MARCHF11: variants seen among roughly 807,000 people sequenced by gnomAD.
The protein encoded by MARCHF11 is membrane associated ring-CH-type finger 11, also known as E3 ubiquitin-protein ligase MARCHF11.
MARCHF11 carries 29 observed loss-of-function variants against 37.3 expected under a neutral mutation model. That is an observed-to-expected ratio of 0.78 (90% CI 0.58 to 1.06). The LOEUF is 1.06. Among genes scored for constraint, MARCHF11 ranks in the 50% least tolerant of loss-of-function variants. The pLI is 0.00. For missense variants in MARCHF11, 482 were observed against 533.4 expected, an observed-to-expected ratio of 0.90 and a Z score of 0.95; for synonymous variants, 233 against 228.0, an observed-to-expected ratio of 1.02 and a Z score of -0.20.
chr5:16,111,235 T>C (rs1020899380), intron 2 of MARCHF11, among the ~76,000 whole-genome samples: 3 of 151,860 alleles, frequency 2.0e-5, no homozygotes, highest in Non-Finnish European at 4.4e-5. Context: ...CAGGCAGAGG[T>C]TGGAACAGTT....
At chr5:16,097,089 G>A (rs1363266186) in intron 2 of MARCHF11, among the ~76,000 whole-genome samples, 1 of 152,138 alleles carries the variant, frequency 6.6e-6, no homozygotes, top group Admixed American at 6.5e-5. Flanking sequence ...AGTGTCACAG[G>A]AGAGAACACC....
At chr5:16,104,867 T>C (rs556181649) in intron 2 of MARCHF11, among the ~76,000 whole-genome samples, 5 of 152,206 alleles carry the variant, frequency 3.3e-5, no homozygotes, top group African/African-American at 9.6e-5. Context: ...ACCTTTAAAA[T>C]TGTATAATAG....
chr5:16,094,508 T>C (rs1265169708), intron 2 of MARCHF11, among the ~76,000 whole-genome samples: 2 of 152,262 alleles, frequency 1.3e-5, no homozygotes, highest in East Asian at 1.9e-4. Context: ...AGTGTGTGTG[T>C]CTGTGTGTAC....
chr5:16,074,096 G>A lies in MARCHF11; in HGVS notation c.887-6303C>T, dbSNP rs1231213915. 2.6e-5 allele frequency among the ~76,000 whole-genome samples: 4 copies of A among 152,134 alleles called. No homozygotes were observed. The East Asian group carries it at 7.7e-4, about 29-fold the overall frequency. The stretch of plus-strand genomic sequence containing the variant: ...ATAAAATTGGAAGTCAACTCCAAAA[G>A]GAATACTCAAAACCATGCAAATACA... On this transcript the variant is annotated intron_variant, in intron 3 of 3. Coordinates refer to ENST00000332432, the MANE Select transcript of MARCHF11 (RefSeq NM_001102562.3).
chr5:16,114,136 G>A (rs1370889779), intron 2 of MARCHF11, among the ~76,000 whole-genome samples: 4 of 152,048 alleles, frequency 2.6e-5, no homozygotes, highest in South Asian at 2.1e-4. Context: ...ATTTTTTTAT[G>A]GCTGAATAAT....
At chr5:16,134,043 T>C (rs529324916) in intron 2 of MARCHF11, among the ~76,000 whole-genome samples, 10 of 152,308 alleles carry the variant, frequency 6.6e-5, no homozygotes, top group African/African-American at 1.9e-4. Flanking sequence ...TAGTCAACTC[T>C]ATTGATAAAA....
intron 1 of MARCHF11, among the ~76,000 whole-genome samples, chr5:16,178,309 G>C (rs952219019): frequency 3.3e-5 from 5 of 152,044 alleles, no homozygotes; most frequent in African/African-American, 1.2e-4. Context: ...TTGTCTTAGG[G>C]CACTATATTC....
intron 2 of MARCHF11, among the ~76,000 whole-genome samples, chr5:16,092,088 G>A (rs1410629176): frequency 2.0e-5 from 3 of 152,070 alleles, no homozygotes; most frequent in African/African-American, 7.2e-5. Context: ...AGTGTCCATC[G>A]GATCAGTCTG....
intron 2 of MARCHF11, among the ~76,000 whole-genome samples, chr5:16,142,656 G>A (rs1300588884): frequency 2.0e-5 from 3 of 151,494 alleles, no homozygotes; most frequent in Non-Finnish European, 4.4e-5. Context: ...TCCACTTAAA[G>A]GGAAAGCCCT....
At chr5:16,090,741 C>A in intron 3 of MARCHF11, 148 bp downstream of exon 3, 1 of 553,254 alleles carries the variant, frequency 1.8e-6, no homozygotes, top group Admixed American at 4.1e-5. Flanking sequence ...GAAAAGCAGC[C>A]CAATTGTGAC....
chr5:16,166,041 T>C (rs2126607110), intron 2 of MARCHF11, among the ~76,000 whole-genome samples: 1 of 152,280 alleles, frequency 6.6e-6, no homozygotes, highest in East Asian at 1.9e-4. Context: ...TTATTTATAT[T>C]GGTGTTCACC....
intron 2 of MARCHF11, 116 bp downstream of exon 2, chr5:16,177,610 A>C: frequency 1.1e-6 from 1 of 891,546 alleles, no homozygotes; most frequent in Non-Finnish European, 1.5e-6. Flanking sequence ...GTTTTAGTGT[A>C]ATTTTCACAA....
intron 2 of MARCHF11, among the ~76,000 whole-genome samples, chr5:16,125,237 T>C (rs113637529): frequency 6.6e-6 from 1 of 151,324 alleles, no homozygotes; most frequent in African/African-American, 2.4e-5. Context: ...TGATAGCTTA[T>C]TGATGGCCAT....
At chr5:16,173,729 C>T (rs1302805848) in intron 2 of MARCHF11, among the ~76,000 whole-genome samples, 1 of 152,170 alleles carries the variant, frequency 6.6e-6, no homozygotes, top group African/African-American at 2.4e-5. Flanking sequence ...TGGCAGTGAG[C>T]AAGTGAAGGT....
chr5:16,089,245 T>C (rs933256379), intron 3 of MARCHF11, among the ~76,000 whole-genome samples: 1 of 152,116 alleles, frequency 6.6e-6, no homozygotes, highest in Admixed American at 6.5e-5. Context: ...CCCCTTTTAA[T>C]ATCAATGGAA....
intron 2 of MARCHF11, among the ~76,000 whole-genome samples, chr5:16,094,878 G>T (rs563328816): frequency 8.9e-4 from 135 of 152,184 alleles, no homozygotes; most frequent in Non-Finnish European, 1.7e-3. Flanking sequence ...TTTCTAAGAG[G>T]TTATTTATTT....
At chr5:16,116,835 T>G (rs1352302081) in intron 2 of MARCHF11, among the ~76,000 whole-genome samples, 1 of 152,196 alleles carries the variant, frequency 6.6e-6, no homozygotes, top group Non-Finnish European at 1.5e-5. Flanking sequence ...GAAGTTGCTT[T>G]CTCTGAAACA....
chr5:16,112,396 A>G (rs533443067), intron 2 of MARCHF11, among the ~76,000 whole-genome samples: 1 of 152,200 alleles, frequency 6.6e-6, no homozygotes, highest in Non-Finnish European at 1.5e-5. Flanking sequence ...CATGAAGTCA[A>G]AGGAGATCAT....
At chr5:16,069,250 A>G (rs1736397493) in intron 3 of MARCHF11, among the ~76,000 whole-genome samples, 1 of 152,220 alleles carries the variant, frequency 6.6e-6, no homozygotes, top group African/African-American at 2.4e-5. Context: ...AGAAACAACC[A>G]GAATGAATAA....
Sources: allele counts gnomAD v4.1 joint callset (sites outside exome capture counted in the v4.1 genomes callset), GRCh38; gene constraint gnomAD v4.1.1; transcripts MANE v1.5; gene names NCBI Gene and HGNC (gene_info 2026-07-23, HGNC 2026-07-21).